CLMN: variants seen among roughly 807,000 people sequenced by gnomAD.
CLMN encodes calmin (calponin-like, transmembrane).
CLMN carries 57 observed loss-of-function variants against 92.7 expected under a neutral mutation model. That is an observed-to-expected ratio of 0.61 (90% CI 0.50 to 0.77). The LOEUF is 0.77. Ranked by LOEUF, CLMN falls within the 30% of genes least tolerant of loss-of-function variation. CLMN has a pLI of 0.00. For synonymous variants in CLMN, 466 were observed against 470.6 expected, an observed-to-expected ratio of 0.99 and a Z score of 0.13; for missense variants, 1,158 against 1,237.5, an observed-to-expected ratio of 0.94 and a Z score of 0.96.
At chr14:95,231,811 G>A (rs1450200896) in intron 1 of CLMN, among the ~76,000 whole-genome samples, 1 of 152,128 alleles carries the variant, frequency 6.6e-6, no homozygotes, top group Non-Finnish European at 1.5e-5. Context: ...AAAGGTGTCT[G>A]CAATAGTCAT....
chr14:95,242,986 G>C (rs1486042402), intron 1 of CLMN, among the ~76,000 whole-genome samples: 1 of 152,190 alleles, frequency 6.6e-6, no homozygotes. Context: ...AGTAAATGTT[G>C]CAGACTTTGA....
At chr14:95,210,360 C>T (rs1897162378) in intron 7 of CLMN, among the ~76,000 whole-genome samples, 1 of 152,070 alleles carries the variant, frequency 6.6e-6, no homozygotes, top group Non-Finnish European at 1.5e-5. Context: ...CCACTAAGTA[C>T]ATTTTAGTAT....
chr14:95,317,396 ACT>A (rs1231883147), intron 1 of CLMN, among the ~76,000 whole-genome samples: 1 of 152,154 alleles, frequency 6.6e-6, no homozygotes, highest in Non-Finnish European at 1.5e-5. Flanking sequence ...CGACACGGTA[ACT>A]CTACAGTGCT....
At chr14:95,298,892 C>A (rs1269213714) in intron 1 of CLMN, among the ~76,000 whole-genome samples, 1 of 152,142 alleles carries the variant, frequency 6.6e-6, no homozygotes, top group Non-Finnish European at 1.5e-5. Flanking sequence ...CAGGTTCTCC[C>A]GACTCTAAGG....
At chr14:95,312,439 T>G (rs970282166) in intron 1 of CLMN, among the ~76,000 whole-genome samples, 3 of 152,178 alleles carry the variant, frequency 2.0e-5, no homozygotes, top group Admixed American at 1.3e-4. Context: ...AAGCATTCCC[T>G]GCTGTCATCA....
chr14:95,239,863 T>C (rs80335539), intron 1 of CLMN, among the ~76,000 whole-genome samples: 20,763 of 152,242 alleles, frequency 0.14, 2,473 homozygotes, highest in African/African-American at 0.31. Flanking sequence ...ATTTCAACGA[T>C]GGACCACATA....
chr14:95,231,682 C>T (rs1403769662), intron 1 of CLMN, among the ~76,000 whole-genome samples: 1 of 152,208 alleles, frequency 6.6e-6, no homozygotes, highest in African/African-American at 2.4e-5. Flanking sequence ...GTTCCAGTGA[C>T]TTGCTCAGCT....
At chr14:95,209,753 C>T (rs2140588680) in intron 7 of CLMN, among the ~76,000 whole-genome samples, 1 of 152,346 alleles carries the variant, frequency 6.6e-6, no homozygotes, top group Non-Finnish European at 1.5e-5. Flanking sequence ...CCACAGTAAG[C>T]AGCCAGCTCG....
rs1251080649 is a variant in CLMN, at chr14:95,182,545, G to T, written c.*9019C>A. 1 of 152,200 alleles carries T rather than the reference G, an allele frequency of 6.6e-6. No homozygotes were observed. Among genetic ancestry groups the T allele is most frequent in the East Asian group, 1.9e-4 (1 of 5,198 alleles). The allele number at this position is 152,200 out of a possible 1,614,324, so 9.4% of individuals were successfully genotyped here. A position where few individuals can be genotyped will look rare whatever the true frequency, so the allele number is the denominator to read the frequency against. Reference sequence around the variant, plus strand: ...TTATGGTGCAATTTCAAGGGCAGAGGGCAGGTGTCCCCTGCACCACATTCC... The same window carrying T: ...TTATGGTGCAATTTCAAGGGCAGAGTGCAGGTGTCCCCTGCACCACATTCC... On this transcript the variant is annotated 3_prime_UTR_variant, in exon 13 of 13. Coordinates refer to ENST00000298912, the MANE Select transcript of CLMN (RefSeq NM_024734.4).
At chr14:95,275,573 C>T (rs1010968895) in intron 1 of CLMN, among the ~76,000 whole-genome samples, 1 of 152,186 alleles carries the variant, frequency 6.6e-6, no homozygotes, top group African/African-American at 2.4e-5. Context: ...TAATCCACGC[C>T]TTCTTTAGCA....
At chr14:95,293,859 T>C (rs1900699231) in intron 1 of CLMN, among the ~76,000 whole-genome samples, 1 of 152,158 alleles carries the variant, frequency 6.6e-6, no homozygotes, top group South Asian at 2.1e-4. Flanking sequence ...AAGTCTGGTG[T>C]TGTTCTACGT....
rs373565544 is a variant in CLMN at position 95,204,451 on chromosome 14, C to T, written c.898G>A (p.Asp300Asn). 8.6e-6 allele frequency: 13 copies of T among 1,515,316 alleles called. No individual in the cohort carries two copies. The highest frequency in any genetic ancestry group is 5.9e-5 in the African/African-American group (4 of 68,262). 93.9% of individuals were successfully genotyped at this position (1,515,316 alleles called of 1,614,324 possible). The change falls in exon 9 of 13, where the codon GAT (aspartate) becomes AAT (asparagine). Residue 300 changes from aspartate to asparagine, a missense_variant. By Grantham distance (23) the Asp-to-Asn change is conservative (BLOSUM62 1). Transcript: ENST00000298912. ...TCGATAGGAACTTCTTTATCTGAATCGAAAATATCTTCCTGCAAAAAAAAA... is the reference window on the plus strand; with the variant it reads ...TCGATAGGAACTTCTTTATCTGAATTGAAAATATCTTCCTGCAAAAAAAAA... ...FPELEAEDIF[D>N]SDKEVPIEST...
chr14:95,236,127 C>T (rs1180250667), intron 1 of CLMN, among the ~76,000 whole-genome samples: 1 of 152,232 alleles, frequency 6.6e-6, no homozygotes, highest in Non-Finnish European at 1.5e-5. Flanking sequence ...CATTCCTGCG[C>T]AGCTGCTCTC....
At chr14:95,209,580 T>C (rs1284488776) in intron 7 of CLMN, 103 bp from the exon 8 acceptor site, 13 of 920,042 alleles carry the variant, frequency 1.4e-5, no homozygotes, top group Non-Finnish European at 5.3e-6. Context: ...TTATTGAAGG[T>C]TTTTTCTCTT....
chr14:95,229,978 A>C (rs780167362), intron 2 of CLMN, 94 bp downstream of exon 2: 11 of 1,177,120 alleles, frequency 9.3e-6, no homozygotes, highest in Non-Finnish European at 1.4e-5. Flanking sequence ...CAACAGAAAG[A>C]GCACAGGTCA....
intron 1 of CLMN, among the ~76,000 whole-genome samples, chr14:95,292,482 C>T (rs1358161791): frequency 2.3e-5 from 3 of 130,194 alleles, no homozygotes; most frequent in Non-Finnish European, 3.3e-5. Flanking sequence ...GGGTCACAGG[C>T]TCCATGGCCC....
rs1162455717 is a variant in CLMN at position 95,182,117 on chromosome 14, TAATC to T, written c.*9443_*9446del. 6.6e-6 allele frequency: 1 copy of T among 152,240 alleles called. No homozygotes were observed. Among genetic ancestry groups the T allele is most frequent in the Non-Finnish European group, 1.5e-5 (1 of 68,040 alleles). 9.4% of individuals were successfully genotyped at this position (152,240 alleles called of 1,614,324 possible). A position where few individuals can be genotyped will look rare whatever the true frequency, so the allele number is the denominator to read the frequency against. On this transcript the variant is annotated 3_prime_UTR_variant, in exon 13 of 13. Transcript: ENST00000298912. ...TAGCCATTTATATCTTAATTTACAGTAATCAATAAATAAGACGGCACATTCATAT... is the reference window on the plus strand; with the variant it reads ...TAGCCATTTATATCTTAATTTACAGTAATAAATAAGACGGCACATTCATAT...
chr14:95,200,811 C>G (rs954857141), intron 9 of CLMN, among the ~76,000 whole-genome samples: 1 of 152,188 alleles, frequency 6.6e-6, no homozygotes, highest in African/African-American at 2.4e-5. Flanking sequence ...TAGTGCCCAA[C>G]AGGCAAAAGT....
In CLMN at chr14:95,183,344, T is replaced by A. The variant is rs776221322; in HGVS notation, c.*8220A>T. On this transcript the variant is annotated 3_prime_UTR_variant, in exon 13 of 13. Coordinates refer to ENST00000298912, the MANE Select transcript of CLMN (RefSeq NM_024734.4). ...CTTGTAGAGAATACACACCTATTGA[T>A]TTTTGCTGGGGCTAAAGGAAGTGGT... 21 of 152,240 alleles carry A rather than the reference T, an allele frequency of 1.4e-4. No individual in the cohort carries two copies. The highest frequency in any genetic ancestry group is 2.8e-4 in the Non-Finnish European group (19 of 68,042). The allele number at this position is 152,240 out of a possible 1,614,324, so 9.4% of individuals were successfully genotyped here. A position where few individuals can be genotyped will look rare whatever the true frequency, so the allele number is the denominator to read the frequency against.
Sources: gnomAD v4.1 joint callset for allele counts (sites outside exome capture counted in the v4.1 genomes callset) on GRCh38, gnomAD v4.1.1 for gene constraint, MANE v1.5 for transcripts, NCBI Gene and HGNC (gene_info 2026-07-23, HGNC 2026-07-21) for gene names.